Variants in RTN4IP1 observed in about 807,000 individuals in gnomAD.
The protein encoded by RTN4IP1 is reticulon 4 interacting protein 1, also known as NAD(P)H oxidoreductase RTN4IP1, mitochondrial.
RTN4IP1 carries 32 observed loss-of-function variants against 46.6 expected under a neutral mutation model. That is an observed-to-expected ratio of 0.69 (90% confidence interval 0.52 to 0.92). The LOEUF is 0.92. RTN4IP1 is among the 40% of genes least tolerant of loss of function. The probability of loss-of-function intolerance (pLI) is 0.00; values close to 1 mark genes in which losing one functional copy is unlikely to be tolerated. For missense variants in RTN4IP1, 424 were observed against 485.8 expected (o/e 0.87, Z 1.20); for synonymous variants, 167 against 161.8 (o/e 1.03, Z -0.24).
intron 5 of RTN4IP1, among the ~76,000 whole-genome samples, chr6:106,601,067 A>G (rs1775936249): frequency 6.6e-6 from 1 of 152,104 alleles, no homozygotes; most frequent in Non-Finnish European, 1.5e-5. Flanking sequence ...GAGTGTTCTA[A>G]TTTATTTACA....
chr6:106,613,348 GC>G (rs1416514694), intron 4 of RTN4IP1, among the ~76,000 whole-genome samples: 2 of 152,118 alleles, frequency 1.3e-5, no homozygotes. Flanking sequence ...TTTTCTTAAA[GC>G]TGTGTATCAC....
At chr6:106,613,542 C>A (rs527986875) in intron 4 of RTN4IP1, among the ~76,000 whole-genome samples, 1 of 152,310 alleles carries the variant, frequency 6.6e-6, no homozygotes, top group East Asian at 1.9e-4. Context: ...CATTAAAATA[C>A]AACAGTATTT....
Position 106,587,682 on chromosome 6 carries a change from T to G in RTN4IP1, c.987A>C (p.Leu329Phe), listed in dbSNP as rs1775519120. Residue 329 changes from leucine (L) to phenylalanine (F), a missense_variant, in exon 7 of 9, where the codon TTA becomes TTC. By Grantham distance (22) the Leu-to-Phe change is conservative. Coordinates refer to ENST00000369063, the MANE Select transcript of RTN4IP1 (RefSeq NM_032730.5). ...QTGVTVGSKA[L>F]KHFWKGVHYR... The stretch of plus-strand genomic sequence containing the variant: ...CAACCAAGACCCTTCTTCCTACCTT[T>G]AATGCCTTTGAACCTACAGTGACTC... 3 of 1,608,716 alleles carry G rather than the reference T, an allele frequency of 1.9e-6. No homozygotes were observed. Among genetic ancestry groups the G allele is most frequent in the Non-Finnish European group, 2.5e-6 (3 of 1,177,166 alleles).
At chr6:106,588,379 A>T (rs987589364) in intron 6 of RTN4IP1, among the ~76,000 whole-genome samples, 9 of 152,224 alleles carry the variant, frequency 5.9e-5, no homozygotes, top group Non-Finnish European at 5.9e-5. Flanking sequence ...TACAAGAATG[A>T]TTTGCTTTTA....
intron 5 of RTN4IP1, among the ~76,000 whole-genome samples, chr6:106,592,653 G>T (rs1775691369): frequency 6.6e-6 from 1 of 152,192 alleles, no homozygotes; most frequent in African/African-American, 2.4e-5. Context: ...GCCAAGTGCG[G>T]TGGCTCACGC....
chr6:106,576,161 G>A (rs920674269), intron 8 of RTN4IP1, among the ~76,000 whole-genome samples: 1 of 152,166 alleles, frequency 6.6e-6, no homozygotes, highest in Non-Finnish European at 1.5e-5. Context: ...AAGACAAAAG[G>A]AAGAGGTGAA....
intron 3 of RTN4IP1, among the ~76,000 whole-genome samples, chr6:106,619,681 G>A (rs576522962): frequency 1.4e-5 from 2 of 141,902 alleles, no homozygotes; most frequent in East Asian, 4.2e-4. Context: ...GCGTGATCTC[G>A]GCTCACTGCA....
intron 4 of RTN4IP1, among the ~76,000 whole-genome samples, chr6:106,609,943 GCGCTGTTAGCTTGTA>G (rs1776183658): frequency 6.6e-6 from 1 of 152,242 alleles, no homozygotes; most frequent in African/African-American, 2.4e-5. Context: ...AATGAATGAA[GCGCTGTTAGCTTGTA>G]AAGGAGCCCT....
intron 5 of RTN4IP1, among the ~76,000 whole-genome samples, chr6:106,602,446 T>C (rs944842624): frequency 6.6e-6 from 1 of 152,182 alleles, no homozygotes; most frequent in African/African-American, 2.4e-5. Context: ...AAAATTCTGC[T>C]TGGAAACTAG....
chr6:106,613,176 G>C (rs1436987728), intron 4 of RTN4IP1, among the ~76,000 whole-genome samples: 1 of 151,984 alleles, frequency 6.6e-6, no homozygotes, highest in African/African-American at 2.4e-5. Context: ...AAGGGAAGTT[G>C]ATTGGAAATA....
In RTN4IP1 at chr6:106,587,573, C is replaced by T. The variant is rs1359241092; in HGVS notation, c.990+106G>A. 6.9e-6 allele frequency: 7 copies of T among 1,010,950 alleles called. No individual in the cohort carries two copies. In the Admixed American group the frequency reaches 1.6e-4, roughly 23 times the overall value. The allele number at this position is 1,010,950 out of a possible 1,614,324, so 62.6% of individuals were successfully genotyped here. ...TGACTGCAGAGTCCATGCTTGCAAC[C>T]ACCGTGCTATGCGGCCTCCAAGAGA... On this transcript the variant is annotated intron_variant, in intron 7 of 8. Coordinates refer to ENST00000369063, the MANE Select transcript of RTN4IP1 (RefSeq NM_032730.5).
intron 8 of RTN4IP1, 145 bp from the exon 9 acceptor site, chr6:106,572,248 C>T: frequency 1.5e-6 from 1 of 658,000 alleles, no homozygotes; most frequent in Non-Finnish European, 2.7e-6. Context: ...CAGGCTCTCA[C>T]AAGGGCCATG....
At chr6:106,572,319 G>A (rs970868364) in intron 8 of RTN4IP1, 7 of 545,104 alleles carry the variant, frequency 1.3e-5, no homozygotes, top group African/African-American at 9.6e-5. Context: ...CCACCCCACT[G>A]CCCAGTCTTA....
chr6:106,625,301 C>T (rs1445820063), intron 1 of RTN4IP1, among the ~76,000 whole-genome samples: 1 of 152,036 alleles, frequency 6.6e-6, no homozygotes, highest in Non-Finnish European at 1.5e-5. Context: ...GCACCCACTC[C>T]TGTGGGCAAT....
chr6:106,608,922 T>C (rs1776153915), intron 4 of RTN4IP1, among the ~76,000 whole-genome samples: 1 of 152,228 alleles, frequency 6.6e-6, no homozygotes, highest in South Asian at 2.1e-4. Flanking sequence ...ATATATTACC[T>C]GCACTCTCCA....
chr6:106,597,959 T>A (rs1425207454), intron 5 of RTN4IP1, among the ~76,000 whole-genome samples: 1 of 152,256 alleles, frequency 6.6e-6, no homozygotes, highest in Non-Finnish European at 1.5e-5. Context: ...GGTTTTCTGT[T>A]CTTGCGATAG....
At chr6:106,580,213 CAA>C (rs746909333) in intron 8 of RTN4IP1, among the ~76,000 whole-genome samples, 16 of 69,172 alleles carry the variant, frequency 2.3e-4, no homozygotes, top group Admixed American at 6.7e-4. Context: ...GACTCTGTCT[CAA>C]AAAAAAAAAA....
At chr6:106,592,091 C>A in intron 6 of RTN4IP1, 73 bp downstream of exon 6, 2 of 1,458,492 alleles carry the variant, frequency 1.4e-6, no homozygotes, top group Admixed American at 2.0e-5. Flanking sequence ...GTAAAGCCAC[C>A]AAGCCATCTC....
At chr6:106,603,384 A>T (rs760136862) in intron 4 of RTN4IP1, among the ~76,000 whole-genome samples, 1 of 152,216 alleles carries the variant, frequency 6.6e-6, no homozygotes, top group Admixed American at 6.5e-5. Flanking sequence ...AAGTTCATCA[A>T]CTTTCATAAA....
Sources: allele counts gnomAD v4.1 joint callset (sites outside exome capture counted in the v4.1 genomes callset), GRCh38; gene constraint gnomAD v4.1.1; transcripts MANE v1.5; gene names NCBI Gene and HGNC (gene_info 2026-07-23, HGNC 2026-07-21).